Variants in PLXNA4 observed in about 807,000 individuals in gnomAD.
The protein encoded by PLXNA4 is plexin-A4.
A neutral mutation model predicts 191.8 loss-of-function variants in PLXNA4; 44 were observed. The observed-to-expected ratio is 0.23, with a 90% confidence interval of 0.18 to 0.29. The LOEUF is 0.29. PLXNA4 is among the 10% of genes least tolerant of loss of function. The probability of loss-of-function intolerance (pLI) is 1.00; values close to 1 mark genes in which losing one functional copy is unlikely to be tolerated. For synonymous variants in PLXNA4, 1,082 were observed against 1,009.5 expected (o/e 1.07, Z -1.36); for missense variants, 1,800 against 2,488.8 (o/e 0.72, Z 5.89).
intron 22 of PLXNA4, among the ~76,000 whole-genome samples, chr7:132,166,427 C>T (rs1194660629): frequency 1.3e-5 from 2 of 150,548 alleles, no homozygotes; most frequent in African/African-American, 4.8e-5. Flanking sequence ...TCAGTTGCAT[C>T]CATTTAGAGA....
chr7:132,582,806 G>A (rs1415054681), intron 2 of PLXNA4, among the ~76,000 whole-genome samples: 1 of 151,878 alleles, frequency 6.6e-6, no homozygotes, highest in Non-Finnish European at 1.5e-5. Context: ...TCATTCCTCT[G>A]ACCTTGACCT....
At chr7:132,205,807 C>A (rs1797597694) in intron 10 of PLXNA4, among the ~76,000 whole-genome samples, 11 of 152,190 alleles carry the variant, frequency 7.2e-5, no homozygotes, top group Non-Finnish European at 2.9e-5. Context: ...GCTCTCAGGC[C>A]TAGGTCTGGC....
intron 3 of PLXNA4, among the ~76,000 whole-genome samples, chr7:132,484,233 T>G (rs1797451288): frequency 1.3e-5 from 2 of 152,172 alleles, no homozygotes; most frequent in African/African-American, 4.8e-5. Flanking sequence ...GGAAGGCCCA[T>G]GAGAAGTGGA....
chr7:132,381,703 A>G (rs1804900466), intron 3 of PLXNA4, among the ~76,000 whole-genome samples: 1 of 152,240 alleles, frequency 6.6e-6, no homozygotes, highest in South Asian at 2.1e-4. Context: ...TGCGGAGTGA[A>G]TATCAGGTGT....
At chr7:132,312,205 A>G (rs1273604643) in intron 3 of PLXNA4, among the ~76,000 whole-genome samples, 1 of 150,872 alleles carries the variant, frequency 6.6e-6, no homozygotes, top group African/African-American at 2.5e-5. Flanking sequence ...CTTCTGCCAG[A>G]AGCCTGTGGA....
intron 4 of PLXNA4, among the ~76,000 whole-genome samples, chr7:132,248,330 G>C (rs1799130751): frequency 6.6e-6 from 1 of 152,168 alleles, no homozygotes; most frequent in Non-Finnish European, 1.5e-5. Flanking sequence ...GAGCTGACAT[G>C]CAATTGCTTT....
chr7:132,555,087 C>A (rs1800742929), intron 1 of PLXNA4, among the ~76,000 whole-genome samples: 1 of 117,546 alleles, frequency 8.5e-6, no homozygotes, highest in Non-Finnish European at 1.8e-5. Context: ...TCACCATGGC[C>A]TGGCAAAAAA....
chr7:132,247,805 G>C (rs1296005005), intron 4 of PLXNA4, among the ~76,000 whole-genome samples: 2 of 152,164 alleles, frequency 1.3e-5, no homozygotes, highest in African/African-American at 2.4e-5. Context: ...AAGAAGCTGT[G>C]CTTATTTCAA....
At chr7:132,373,729 G>A (rs1390689512) in intron 3 of PLXNA4, among the ~76,000 whole-genome samples, 2 of 152,144 alleles carry the variant, frequency 1.3e-5, no homozygotes, top group Non-Finnish European at 2.9e-5. Context: ...ATAATGAGGT[G>A]CCCATGGAAA....
intron 19 of PLXNA4, 25 bp downstream of exon 19, chr7:132,180,561 C>T (rs1796670586): frequency 1.2e-6 from 2 of 1,613,940 alleles, no homozygotes; most frequent in Non-Finnish European, 8.5e-7. Context: ...CCGCTCCATC[C>T]AGGATGGGGT....
At chr7:132,325,242 C>T (rs780355581) in intron 3 of PLXNA4, among the ~76,000 whole-genome samples, 14 of 152,290 alleles carry the variant, frequency 9.2e-5, no homozygotes, top group Non-Finnish European at 1.6e-4. Flanking sequence ...ACGAGGTTGC[C>T]TCAGAGCATT....
At chr7:132,153,737 G>T (rs897502048) in intron 25 of PLXNA4, among the ~76,000 whole-genome samples, 4 of 152,214 alleles carry the variant, frequency 2.6e-5, no homozygotes, top group African/African-American at 7.2e-5. Context: ...TAGGTGCCAT[G>T]CTGAGAGGCA....
chr7:132,382,317 T>C (rs1804929904), intron 3 of PLXNA4, among the ~76,000 whole-genome samples: 2 of 152,100 alleles, frequency 1.3e-5, no homozygotes, highest in Admixed American at 1.3e-4. Context: ...CCTTGCCTGC[T>C]TGGATAATAT....
chr7:132,285,211 G>A (rs536363549), intron 4 of PLXNA4, among the ~76,000 whole-genome samples: 4 of 152,188 alleles, frequency 2.6e-5, no homozygotes, highest in African/African-American at 7.2e-5. Context: ...CCATTTTGTC[G>A]ATGAAGAAAC....
chr7:132,430,278 G>A (rs186238237), intron 3 of PLXNA4, among the ~76,000 whole-genome samples: 17 of 152,278 alleles, frequency 1.1e-4, no homozygotes, highest in African/African-American at 4.1e-4. Flanking sequence ...TATGCGGTTA[G>A]TACCCTGACA....
intron 1 of PLXNA4, among the ~76,000 whole-genome samples, chr7:132,564,865 T>C (rs1801645080): frequency 1.3e-5 from 2 of 152,190 alleles, no homozygotes; most frequent in Admixed American, 6.5e-5. Flanking sequence ...CCCAGGCCTC[T>C]GGACTCCTGC....
chr7:132,455,001 A>G (rs1273099568), intron 3 of PLXNA4, among the ~76,000 whole-genome samples: 3 of 152,180 alleles, frequency 2.0e-5, no homozygotes, highest in Non-Finnish European at 4.4e-5. Context: ...GGCCAAGAGA[A>G]GCAGGTTCTG....
At chr7:132,153,243 C>T (rs962599792) in intron 25 of PLXNA4, among the ~76,000 whole-genome samples, 6 of 152,028 alleles carry the variant, frequency 3.9e-5, no homozygotes, top group Non-Finnish European at 7.4e-5. Flanking sequence ...TTCTAGGGAT[C>T]GATGAGTCTG....
intron 1 of PLXNA4, among the ~76,000 whole-genome samples, chr7:132,543,223 G>A (rs1800157435): frequency 6.6e-6 from 1 of 151,994 alleles, no homozygotes; most frequent in Non-Finnish European, 1.5e-5. Context: ...GCTACTCAAG[G>A]GATTCAAAGC....
Sources: gnomAD v4.1 joint callset for allele counts (sites outside exome capture counted in the v4.1 genomes callset) on GRCh38, gnomAD v4.1.1 for gene constraint, MANE v1.5 for transcripts, NCBI Gene and HGNC (gene_info 2026-07-23, HGNC 2026-07-21) for gene names.